The following KDM3B variants were observed in gnomAD, a reference collection of about 807,000 sequenced individuals.
KDM3B encodes the protein lysine demethylase 3B, also known as lysine-specific demethylase 3B.
KDM3B carries 10 observed loss-of-function variants against 170.0 expected under a neutral mutation model. The observed-to-expected ratio is 0.06, with a 90% CI of 0.04 to 0.10. The LOEUF (loss-of-function observed/expected upper bound fraction) is 0.10, where lower values mean the gene tolerates loss of function less well. KDM3B is among the 10% of genes least tolerant of loss of function. The pLI is 1.00. For missense variants in KDM3B, 1,394 were observed against 2,195.2 expected, an observed-to-expected ratio of 0.64 and a Z score of 7.29; for synonymous variants, 831 against 834.8, an observed-to-expected ratio of 1.00 and a Z score of 0.08.
Position 138,376,059 on chromosome 5 carries a change from G to A in KDM3B, c.474+853G>A, listed in dbSNP as rs188313584. On this transcript the variant is annotated intron_variant, in intron 3 of 23. Transcript: ENST00000314358. ...TGGCTCCATCTCGCCTCACTGCAAC[G>A]TCCACCTCCCGGTTTCAAGTGATTC... Among the ~76,000 whole-genome samples the A allele has an allele frequency of 2.8e-3, 431 of 151,786 alleles. 1 individual carries two copies. Among genetic ancestry groups the A allele is most frequent in the Middle Eastern group, 6.8e-3 (2 of 292 alleles).
Position 138,386,343 on chromosome 5 carries a change from G to T in KDM3B, c.1102G>T (p.Val368Leu), listed in dbSNP as rs1426093522. 3.7e-6 allele frequency: 6 copies of T among 1,614,116 alleles called. No individual in the cohort carries two copies. The highest frequency in any genetic ancestry group is 5.1e-6 in the Non-Finnish European group (6 of 1,180,058). The change falls in exon 7 of 24, where the codon GTG becomes TTG. Residue 368 changes from valine (V) to leucine (L), a missense_variant. Transcript: ENST00000314358. ...TYTKENGRTL[V>L]VQDEPVGGDT... ...CACCAAAGAAAACGGCAGGACTCTGGTGGTGCAGGATGAGCCTGTAGGTGG... is the reference window on the plus strand; with the variant it reads ...CACCAAAGAAAACGGCAGGACTCTGTTGGTGCAGGATGAGCCTGTAGGTGG...
intron 23 of KDM3B, among the ~76,000 whole-genome samples, chr5:138,435,070 C>A (rs1418308367): frequency 6.6e-6 from 1 of 152,116 alleles, no homozygotes; most frequent in African/African-American, 2.4e-5. Flanking sequence ...TCACTTTTTT[C>A]AATAACTTTT....
Position 138,430,359 on chromosome 5 carries a change from G to A in KDM3B, c.5004G>A (p.Val1668=). 2 of 1,614,174 alleles carry A rather than the reference G, an allele frequency of 1.2e-6. No homozygotes were observed. Among genetic ancestry groups the A allele is most frequent in the Non-Finnish European group, 1.7e-6 (2 of 1,180,030 alleles). ...AGCGACTCTATGAGGAGTATGGCGTGCAAGGCTGGGCTATTGTGCAGTTCC... is the reference window on the plus strand; with the variant it reads ...AGCGACTCTATGAGGAGTATGGCGTACAAGGCTGGGCTATTGTGCAGTTCC... The part of the protein sequence containing the change: ...LRKRLYEEYG[V]QGWAIVQFLG... Residue 1668 remains valine, a synonymous_variant, in exon 22 of 24, where the codon GTG becomes GTA. Coordinates refer to ENST00000314358, the MANE Select transcript of KDM3B (RefSeq NM_016604.4).
At chr5:138,405,731 T>G (rs1762801696) in intron 11 of KDM3B, among the ~76,000 whole-genome samples, 1 of 152,246 alleles carries the variant, frequency 6.6e-6, no homozygotes, top group African/African-American at 2.4e-5. Context: ...TATAATCTTT[T>G]TAAAAGTTAA....
intron 21 of KDM3B, 94 bp from the exon 22 acceptor site, chr5:138,430,155 C>A: frequency 1.4e-6 from 2 of 1,441,100 alleles, no homozygotes; most frequent in South Asian, 1.3e-5. Flanking sequence ...GTTTTGCCAT[C>A]CCCACCCCAT....
At position 138,429,513 on chromosome 5, in the gene KDM3B, T is replaced by C. The variant is rs543315863; in HGVS notation, c.4754-313T>C. On this transcript the variant is annotated intron_variant, in intron 20 of 23. Coordinates refer to ENST00000314358, the MANE Select transcript of KDM3B (RefSeq NM_016604.4). ...TGTTTGAAGGGGTCTTGAGAAAATA[T>C]ACAGACTCCATATACTTGTAGCGGA... 2.6e-5 allele frequency among the ~76,000 whole-genome samples: 4 copies of C among 152,320 alleles called. No homozygotes were observed. The South Asian group carries it at 6.2e-4, about 24-fold the overall frequency.
intron 7 of KDM3B, among the ~76,000 whole-genome samples, chr5:138,388,557 G>A (rs1025778929): frequency 4.6e-5 from 7 of 151,888 alleles, no homozygotes; most frequent in East Asian, 1.9e-4. Flanking sequence ...GCGTGAACCC[G>A]GGAGGCAGAG....
chr5:138,386,093 C>T lies in KDM3B; in HGVS notation c.852C>T (p.Gly284=), dbSNP rs763326507. The change falls in exon 7 of 24, where the codon GGC becomes GGT. Residue 284 remains glycine (G), a synonymous_variant. Coordinates refer to ENST00000314358, the MANE Select transcript of KDM3B (RefSeq NM_016604.4). ...KKRESIEGKD[G]RRRKSASDSG... is the part of the protein sequence containing the mutation. ...GAGAAAGCATAGAGGGGAAAGATGG[C>T]CGGAGGAGGAAAAGTGCTTCGGACT... 1 of 1,613,862 alleles carries T rather than the reference C, an allele frequency of 6.2e-7. No individual in the cohort carries two copies. The highest frequency in any genetic ancestry group is 1.3e-5 in the African/African-American group (1 of 74,862).
At chr5:138,366,142 A>G (rs1354900559) in intron 1 of KDM3B, among the ~76,000 whole-genome samples, 1 of 151,962 alleles carries the variant, frequency 6.6e-6, no homozygotes, top group Non-Finnish European at 1.5e-5. Flanking sequence ...CTCACATAAT[A>G]TATCTCAGTC....
intron 15 of KDM3B, among the ~76,000 whole-genome samples, chr5:138,422,200 A>AC (rs1763289576): frequency 6.6e-6 from 1 of 151,888 alleles, no homozygotes; most frequent in Non-Finnish European, 1.5e-5. Context: ...CTGACCTATT[A>AC]CATGTTTGAT....
At chr5:138,431,869 GCCA>G (rs1763540330) in intron 23 of KDM3B, among the ~76,000 whole-genome samples, 1 of 151,218 alleles carries the variant, frequency 6.6e-6, no homozygotes, top group Non-Finnish European at 1.5e-5. Flanking sequence ...CTGAGATCAT[GCCA>G]CTGCACTCCA....
At chr5:138,377,266 G>A (rs1762022164) in intron 3 of KDM3B, among the ~76,000 whole-genome samples, 2 of 152,206 alleles carry the variant, frequency 1.3e-5, no homozygotes, top group Non-Finnish European at 2.9e-5. Flanking sequence ...GGTCAGATAA[G>A]TATGAGAAAC....
intron 11 of KDM3B, among the ~76,000 whole-genome samples, chr5:138,411,606 G>T (rs1762971254): frequency 6.6e-6 from 1 of 151,500 alleles, no homozygotes; most frequent in South Asian, 2.1e-4. Flanking sequence ...CTTCTAGAAA[G>T]AAATAAAATA....
chr5:138,404,942 A>T (rs534264299), intron 11 of KDM3B, among the ~76,000 whole-genome samples: 16 of 151,278 alleles, frequency 1.1e-4, no homozygotes, highest in Admixed American at 9.2e-4. Flanking sequence ...TCGCCATGTT[A>T]ATTAATCAGG....
At chr5:138,360,593 A>G (rs1761581769) in intron 1 of KDM3B, among the ~76,000 whole-genome samples, 1 of 78,346 alleles carries the variant, frequency 1.3e-5, no homozygotes, top group Non-Finnish European at 2.4e-5. Flanking sequence ...TTTTTTTTTG[A>G]GACGGAGTCT....
At chr5:138,394,530 A>G (rs1177089704) in intron 9 of KDM3B, among the ~76,000 whole-genome samples, 1 of 152,220 alleles carries the variant, frequency 6.6e-6, no homozygotes, top group African/African-American at 2.4e-5. Context: ...CAGGAGGTGA[A>G]AGAATACACC....
At chr5:138,363,309 G>A (rs193158710) in intron 1 of KDM3B, among the ~76,000 whole-genome samples, 122 of 152,184 alleles carry the variant, frequency 8.0e-4, no homozygotes, top group African/African-American at 2.6e-3. Context: ...CCGTGGCCCC[G>A]TTGTCTTTAT....
intron 23 of KDM3B, among the ~76,000 whole-genome samples, chr5:138,432,389 A>G (rs963791391): frequency 6.6e-6 from 1 of 151,898 alleles, no homozygotes; most frequent in Non-Finnish European, 1.5e-5. Flanking sequence ...GAATTTCATC[A>G]TTAATACACT....
At chr5:138,412,998 A>G (rs1172187697) in intron 11 of KDM3B, among the ~76,000 whole-genome samples, 1 of 152,218 alleles carries the variant, frequency 6.6e-6, no homozygotes, top group Non-Finnish European at 1.5e-5. Flanking sequence ...ATGGCAGGTA[A>G]GTACATGGGA....
Sources: gnomAD v4.1 joint callset for allele counts (sites outside exome capture counted in the v4.1 genomes callset) on GRCh38, gnomAD v4.1.1 for gene constraint, MANE v1.5 for transcripts, NCBI Gene and HGNC (gene_info 2026-07-23, HGNC 2026-07-21) for gene names.